Variants in GLI3 observed in about 807,000 individuals in gnomAD.
GLI3 encodes the protein GLI family zinc finger 3.
GLI3 carries 20 observed loss-of-function variants against 100.8 expected under a neutral mutation model. The ratio of observed to expected loss-of-function variants is 0.20; its 90% CI spans 0.14 to 0.29. The LOEUF is 0.29. Ranked by LOEUF, GLI3 falls within the 10% of genes least tolerant of loss-of-function variation. The probability of loss-of-function intolerance (pLI) is 1.00; values close to 1 mark genes in which losing one functional copy is unlikely to be tolerated. For synonymous variants in GLI3, 938 were observed against 860.5 expected, an observed-to-expected ratio of 1.09 and a Z score of -1.58; for missense variants, 2,040 against 2,128.5, an observed-to-expected ratio of 0.96 and a Z score of 0.82.
At chr7:41,983,532 T>C (rs1008319416) in intron 10 of GLI3, among the ~76,000 whole-genome samples, 10 of 152,184 alleles carry the variant, frequency 6.6e-5, no homozygotes, top group East Asian at 3.9e-4. Context: ...TGTGGTTTCA[T>C]TGAAAATTTG....
chr7:42,239,505 T>G (rs1349222159), upstream of GLI3, among the ~76,000 whole-genome samples: 2 of 152,230 alleles, frequency 1.3e-5, no homozygotes, highest in East Asian at 3.8e-4. Context: ...GTACTGCTTC[T>G]GCCTCAATCA....
At chr7:42,203,960 C>T (rs930321180) in intron 2 of GLI3, among the ~76,000 whole-genome samples, 1 of 152,092 alleles carries the variant, frequency 6.6e-6, no homozygotes. Context: ...GATCGTGCCA[C>T]CGCACTCCAG....
chr7:42,247,850 A>G (rs137873816), intron 1 of GLI3, among the ~76,000 whole-genome samples: 1 of 152,220 alleles, frequency 6.6e-6, no homozygotes, highest in East Asian at 1.9e-4. Context: ...AGTCACTCCA[A>G]CTCCATCTGA....
chr7:42,196,722 C>T (rs779027373), intron 2 of GLI3, among the ~76,000 whole-genome samples: 4 of 152,140 alleles, frequency 2.6e-5, no homozygotes, highest in Non-Finnish European at 4.4e-5. Context: ...GACAAGAGAT[C>T]ATCTTCAAAG....
At chr7:42,135,349 AG>A (rs1444526352) in intron 3 of GLI3, among the ~76,000 whole-genome samples, 2 of 152,326 alleles carry the variant, frequency 1.3e-5, no homozygotes, top group Non-Finnish European at 2.9e-5. Flanking sequence ...CACTCTTAAA[AG>A]TCTCAATGTT....
chr7:42,073,275 G>A (rs530879657), intron 4 of GLI3, among the ~76,000 whole-genome samples: 7 of 152,104 alleles, frequency 4.6e-5, no homozygotes, highest in African/African-American at 9.7e-5. Context: ...GGATAACACC[G>A]TAAGAATAAG....
At chr7:42,136,611 C>G (rs1562751346) in intron 3 of GLI3, among the ~76,000 whole-genome samples, 1 of 152,184 alleles carries the variant, frequency 6.6e-6, no homozygotes, top group South Asian at 2.1e-4. Flanking sequence ...ATGTTAAGTT[C>G]TTTGCAAAAT....
intron 1 of GLI3, among the ~76,000 whole-genome samples, chr7:42,243,532 A>G (rs1334470421): frequency 2.0e-5 from 3 of 152,214 alleles, no homozygotes; most frequent in East Asian, 1.9e-4. Flanking sequence ...CACTTTGCTA[A>G]ATCAATTCAC....
chr7:42,239,618 A>C (rs1180928052), upstream of GLI3, among the ~76,000 whole-genome samples: 1 of 152,226 alleles, frequency 6.6e-6, no homozygotes, highest in Non-Finnish European at 1.5e-5. Flanking sequence ...AATAGAATAA[A>C]CTAGATATTT....
At chr7:42,007,083 T>G (rs2128723967) in intron 10 of GLI3, among the ~76,000 whole-genome samples, 1 of 152,030 alleles carries the variant, frequency 6.6e-6, no homozygotes, top group Admixed American at 6.5e-5. Context: ...ACGTTCATTC[T>G]TAACTCGAAA....
chr7:42,178,415 G>C (rs953583700), intron 2 of GLI3, among the ~76,000 whole-genome samples: 18 of 152,134 alleles, frequency 1.2e-4, no homozygotes, highest in African/African-American at 4.3e-4. Flanking sequence ...GACCATTCTG[G>C]AATATGTGTC....
At chr7:41,987,055 C>T (rs1356405231) in intron 10 of GLI3, among the ~76,000 whole-genome samples, 1 of 150,238 alleles carries the variant, frequency 6.7e-6, no homozygotes, top group Non-Finnish European at 1.5e-5. Flanking sequence ...CACAAGACTG[C>T]ATCTTAATCA....
At chr7:42,101,411 G>C (rs909072695) in intron 3 of GLI3, among the ~76,000 whole-genome samples, 2 of 152,014 alleles carry the variant, frequency 1.3e-5, no homozygotes, top group Non-Finnish European at 2.9e-5. Flanking sequence ...GACCACCCTG[G>C]ACAACACGTC....
chr7:42,059,140 G>A (rs1454286546), intron 4 of GLI3, among the ~76,000 whole-genome samples: 1 of 152,104 alleles, frequency 6.6e-6, no homozygotes, highest in Non-Finnish European at 1.5e-5. Flanking sequence ...AGAAAAGAGC[G>A]TACCTGAACC....
chr7:42,068,878 C>T (rs1224334089), intron 4 of GLI3, among the ~76,000 whole-genome samples: 1 of 152,110 alleles, frequency 6.6e-6, no homozygotes, highest in African/African-American at 2.4e-5. Context: ...GTCTTCCCAT[C>T]AGGACAAATT....
At chr7:42,209,917 G>C (rs1788229627) in intron 2 of GLI3, among the ~76,000 whole-genome samples, 1 of 122,560 alleles carries the variant, frequency 8.2e-6, no homozygotes, top group African/African-American at 3.1e-5. Context: ...GTGAAAGTTA[G>C]AGCTCCAAAT....
chr7:42,230,873 TCAGA>T (rs961637582), intron 1 of GLI3, among the ~76,000 whole-genome samples: 4 of 152,310 alleles, frequency 2.6e-5, no homozygotes, highest in African/African-American at 9.6e-5. Flanking sequence ...GCAATCCTTC[TCAGA>T]CAGAGAAGGA....
intron 7 of GLI3, among the ~76,000 whole-genome samples, chr7:42,033,087 G>A (rs1045384062): frequency 1.4e-4 from 21 of 152,272 alleles, no homozygotes; most frequent in African/African-American, 4.3e-4. Context: ...ATGACCCAGC[G>A]CGGTGTGCAC....
intron 3 of GLI3, among the ~76,000 whole-genome samples, chr7:42,122,354 T>C (rs1462513338): frequency 2.0e-5 from 3 of 152,144 alleles, no homozygotes; most frequent in Non-Finnish European, 2.9e-5. Context: ...ATGAGGTCTG[T>C]AGGTATAACC....
Sources: allele counts gnomAD v4.1 joint callset (sites outside exome capture counted in the v4.1 genomes callset), GRCh38; gene constraint gnomAD v4.1.1; transcripts MANE v1.5; gene names NCBI Gene and HGNC (gene_info 2026-07-23, HGNC 2026-07-21).